Variants in PLD1 observed in about 807,000 individuals in gnomAD.
The protein encoded by PLD1 is choline phosphatase 1.
In PLD1, 112 loss-of-function variants were observed where a neutral mutation model predicts 137.1. That is an observed-to-expected ratio of 0.82 (90% confidence interval 0.70 to 0.96). The LOEUF is 0.96. PLD1 is among the 40% of genes least tolerant of loss of function. PLD1 has a pLI of 0.00. For missense variants in PLD1, 1,321 were observed against 1,342.0 expected (o/e 0.98, Z 0.24); for synonymous variants, 431 against 454.7 (o/e 0.95, Z 0.66).
chr3:171,773,507 C>A (rs1317733181), intron 1 of PLD1, among the ~76,000 whole-genome samples: 1 of 152,010 alleles, frequency 6.6e-6, no homozygotes, highest in Admixed American at 6.5e-5. Context: ...GAGGCTGAGG[C>A]AGGAGAATCG....
chr3:171,656,733 G>A (rs977074270), intron 21 of PLD1, among the ~76,000 whole-genome samples: 10 of 152,228 alleles, frequency 6.6e-5, no homozygotes, highest in African/African-American at 9.6e-5. Flanking sequence ...GATGGATGCT[G>A]TAGTGTGCTG....
chr3:171,764,879 GAAAGAA>G (rs1457434446), intron 1 of PLD1, among the ~76,000 whole-genome samples: 539 of 24,716 alleles, frequency 0.022, 54 homozygotes, highest in Non-Finnish European at 0.028. Context: ...AAGAAAGAAA[GAAAGAA>G]AGAAAGAAAG....
chr3:171,806,047 A>T (rs1723833457), intron 1 of PLD1, among the ~76,000 whole-genome samples: 1 of 152,220 alleles, frequency 6.6e-6, no homozygotes, highest in South Asian at 2.1e-4. Flanking sequence ...ATAAATAAAT[A>T]AATTAAACGG....
chr3:171,627,756 G>T (rs1286755037), intron 23 of PLD1, among the ~76,000 whole-genome samples: 1 of 152,186 alleles, frequency 6.6e-6, no homozygotes, highest in Non-Finnish European at 1.5e-5. Flanking sequence ...GCTCCTGAAT[G>T]ACTACTGGGT....
chr3:171,694,348 A>G (rs1715487778), intron 12 of PLD1, among the ~76,000 whole-genome samples: 1 of 152,300 alleles, frequency 6.6e-6, no homozygotes, highest in South Asian at 2.1e-4. Context: ...ACAATCAAGA[A>G]TATAAATACA....
chr3:171,644,339 A>G (rs1300628991), intron 22 of PLD1, among the ~76,000 whole-genome samples: 2 of 152,192 alleles, frequency 1.3e-5, no homozygotes, highest in African/African-American at 4.8e-5. Context: ...AAGCCTCAAG[A>G]GGAACCCAAG....
At chr3:171,703,588 A>T (rs1716425401) in intron 11 of PLD1, among the ~76,000 whole-genome samples, 1 of 152,250 alleles carries the variant, frequency 6.6e-6, no homozygotes, top group Admixed American at 6.5e-5. Context: ...AAAAACATAA[A>T]GTACTCAGTA....
chr3:171,614,112 T>C (rs1005347494), intron 24 of PLD1, among the ~76,000 whole-genome samples: 3 of 152,168 alleles, frequency 2.0e-5, no homozygotes, highest in African/African-American at 4.8e-5. Flanking sequence ...CAGAATATTG[T>C]CATGTGGTTA....
At chr3:171,806,245 AG>A (rs1723844468) in intron 1 of PLD1, among the ~76,000 whole-genome samples, 1 of 152,246 alleles carries the variant, frequency 6.6e-6, no homozygotes, top group Admixed American at 6.5e-5. Context: ...GTTTCACAAC[AG>A]AAAAAAAACA....
intron 1 of PLD1, among the ~76,000 whole-genome samples, chr3:171,763,971 G>A (rs995174010): frequency 2.0e-5 from 3 of 151,388 alleles, no homozygotes; most frequent in Admixed American, 6.6e-5. Flanking sequence ...TGGCATTAGC[G>A]TTTAGTTTTT....
intron 1 of PLD1, among the ~76,000 whole-genome samples, chr3:171,748,607 T>C (rs1720433013): frequency 6.6e-6 from 1 of 152,174 alleles, no homozygotes. Flanking sequence ...TTTTGAATTC[T>C]GTCACAACTG....
At chr3:171,639,392 T>A (rs1469906456) in intron 23 of PLD1, among the ~76,000 whole-genome samples, 1 of 127,594 alleles carries the variant, frequency 7.8e-6, no homozygotes, top group South Asian at 2.2e-4. Context: ...AATATACATG[T>A]AAATTATATA....
intron 23 of PLD1, among the ~76,000 whole-genome samples, chr3:171,636,309 A>G (rs1735129638): frequency 2.0e-5 from 3 of 152,046 alleles, no homozygotes; most frequent in Non-Finnish European, 4.4e-5. Flanking sequence ...CAATTTTTTC[A>G]AAAAGGTAGT....
At chr3:171,745,547 C>T (rs1175155082) in intron 1 of PLD1, among the ~76,000 whole-genome samples, 1 of 152,256 alleles carries the variant, frequency 6.6e-6, no homozygotes, top group Admixed American at 6.5e-5. Flanking sequence ...CAGCACAGCA[C>T]GTGGGCTCCA....
At chr3:171,792,480 C>T (rs367844468) in intron 1 of PLD1, 21 of 426,550 alleles carry the variant, frequency 4.9e-5, no homozygotes, top group African/African-American at 4.2e-4. Flanking sequence ...AGTACCACAC[C>T]AGCTGATCTG....
chr3:171,651,928 A>G (rs951862407), intron 21 of PLD1, among the ~76,000 whole-genome samples: 1 of 152,036 alleles, frequency 6.6e-6, no homozygotes, highest in African/African-American at 2.4e-5. Flanking sequence ...ACATTTCTCT[A>G]TCTGCTGAGG....
At chr3:171,642,098 T>A (rs1735803552) in intron 23 of PLD1, among the ~76,000 whole-genome samples, 1 of 152,074 alleles carries the variant, frequency 6.6e-6, no homozygotes, top group Admixed American at 6.6e-5. Context: ...CAGGGAGCTA[T>A]AGATAGGTAA....
chr3:171,772,866 C>T (rs1212449565), intron 1 of PLD1, among the ~76,000 whole-genome samples: 3 of 152,194 alleles, frequency 2.0e-5, no homozygotes, highest in Non-Finnish European at 4.4e-5. Context: ...TCAAAACCAT[C>T]TATTTTACAT....
intron 1 of PLD1, among the ~76,000 whole-genome samples, chr3:171,751,796 C>T (rs552391388): frequency 1.3e-5 from 2 of 152,208 alleles, no homozygotes; most frequent in South Asian, 2.1e-4. Context: ...GTCAGGAGAT[C>T]GAGACCATCC....
Sources: allele counts gnomAD v4.1 joint callset (sites outside exome capture counted in the v4.1 genomes callset), GRCh38; gene constraint gnomAD v4.1.1; transcripts MANE v1.5; gene names NCBI Gene and HGNC (gene_info 2026-07-23, HGNC 2026-07-21).